Variants in MSL1 observed in about 807,000 individuals in gnomAD.
MSL1 encodes MSL complex subunit 1.
Under a neutral mutation model 64.6 loss-of-function variants are expected in MSL1, and 21 were observed. The ratio of observed to expected loss-of-function variants is 0.33; its 90% CI spans 0.23 to 0.47. MSL1 has a LOEUF of 0.47. Among genes scored for constraint, MSL1 ranks in the 20% least tolerant of loss-of-function variants. The pLI is 1.00. For synonymous variants in MSL1, 339 were observed against 329.6 expected (o/e 1.03, Z -0.31); for missense variants, 664 against 793.2 (o/e 0.84, Z 1.96).
At chr17:40,129,750 G>GT in intron 3 of MSL1, 123 bp downstream of exon 3, 1 of 1,068,054 alleles carries the variant, frequency 9.4e-7, no homozygotes, top group Admixed American at 3.2e-5. Flanking sequence ...TCAAGAATGA[G>GT]TAAGTTAACA....
intron 2 of MSL1, among the ~76,000 whole-genome samples, chr17:40,127,527 C>T (rs943588088): frequency 1.3e-5 from 2 of 152,170 alleles, no homozygotes; most frequent in Non-Finnish European, 2.9e-5. Context: ...GTCACCCAGG[C>T]TGGGGTGCAA....
rs1988184126 is a variant in MSL1, at chr17:40,122,145, A to G, written c.-468A>G. On this transcript the variant is annotated 5_prime_UTR_variant, in exon 1 of 9. Coordinates refer to ENST00000398532, the MANE Select transcript of MSL1 (RefSeq NM_001365919.1). The surrounding 1 kb of genome is among the most constrained non-coding windows in gnomAD (Gnocchi z 4.2). ...CCCGGAGTAGGAGGGCTTTGGGCGGACCCAGCCCTCCACCCCCTCCTGAGG... is the reference window on the plus strand; with the variant it reads ...CCCGGAGTAGGAGGGCTTTGGGCGGGCCCAGCCCTCCACCCCCTCCTGAGG... 6.9e-6 allele frequency among the ~76,000 whole-genome samples: 1 copy of G among 144,720 alleles called. No individual in the cohort carries two copies. Among genetic ancestry groups the G allele is most frequent in the South Asian group, 2.2e-4 (1 of 4,526 alleles). The allele number at this position is 144,720 out of a possible 152,430, so 94.9% of individuals were successfully genotyped here.
In MSL1 at chr17:40,135,586, A is replaced by C. The variant is rs188945615; in HGVS notation, c.*1217A>C. The C allele has an allele frequency of 6.6e-6, 1 of 152,452 alleles. No homozygotes were observed. 9.4% of individuals were successfully genotyped at this position (152,452 alleles called of 1,614,324 possible). A position where few individuals can be genotyped will look rare whatever the true frequency, so the allele number is the denominator to read the frequency against. On this transcript the variant is annotated 3_prime_UTR_variant, in exon 9 of 9. Coordinates refer to ENST00000398532, the MANE Select transcript of MSL1 (RefSeq NM_001365919.1). ...GTAGGGGCTTTTATCCTTAAAGAGA[A>C]TATGTCCCCAGATTATTAGCACTTT...
rs1988430504 is a variant in MSL1 at position 40,131,130 on chromosome 17, C to T, written c.1376-407C>T. Reference sequence around the variant, plus strand: ...GTGCATGTTGTTCAGGCTGGACCAGCAAGGTAGTTTGTTTGGAGGGAGGAG... The same window carrying T: ...GTGCATGTTGTTCAGGCTGGACCAGTAAGGTAGTTTGTTTGGAGGGAGGAG... On this transcript the variant is annotated intron_variant, in intron 3 of 8. Coordinates refer to ENST00000398532, the MANE Select transcript of MSL1 (RefSeq NM_001365919.1). This position sits in a 1 kb window ranked among gnomAD's most constrained non-coding sequence, Gnocchi z 4.5. The T allele has an allele frequency of 1.2e-5, 2 of 169,636 alleles. No individual in the cohort carries two copies. Among genetic ancestry groups the T allele is most frequent in the South Asian group, 2.4e-4 (2 of 8,244 alleles). 10.5% of individuals were successfully genotyped at this position (169,636 alleles called of 1,614,324 possible).
At chr17:40,129,145 G>C (rs1173502095) in intron 2 of MSL1, 100 bp from the exon 3 acceptor site, 3 of 1,039,912 alleles carry the variant, frequency 2.9e-6, no homozygotes. Context: ...GTCATTTTGG[G>C]GCAAAAGAAC....
At position 40,132,059 on chromosome 17, in the gene MSL1, A is replaced by T; in HGVS notation, c.1449A>T (p.Val483=). 6.2e-7 allele frequency: 1 copy of T among 1,602,360 alleles called. No homozygotes were observed. The highest frequency in any genetic ancestry group is 8.5e-7 in the Non-Finnish European group (1 of 1,173,692). ...LAVPSWRDHS[V]EPLRDPNPSD... ...TTCCTTCTTGGAGGGACCACTCAGT[A>T]GAGCCTCTAAGGGACCCAAATCCTT... The change falls in exon 5 of 9, where the codon GTA becomes GTT. Residue 483 remains valine, a synonymous_variant. Transcript: ENST00000398532.
chr17:40,122,778 G>A lies in MSL1; in HGVS notation c.166G>A (p.Gly56Arg). The change falls in exon 1 of 9, where the codon GGG (glycine) becomes AGG (arginine). Residue 56 changes from glycine (G) to arginine (R), a missense_variant. By Grantham distance (125) the Gly-to-Arg change is moderately radical. Transcript: ENST00000398532. This position sits in a 1 kb window ranked among gnomAD's most constrained non-coding sequence, Gnocchi z 4.2. Reference sequence around the variant, plus strand: ...CCGGCACCGTAAGCTCAAGGAGCCGGGGCCCCCGCTGGCCTCCTCCCAGGG... The same window carrying A: ...CCGGCACCGTAAGCTCAAGGAGCCGAGGCCCCCGCTGGCCTCCTCCCAGGG... ...LPRHRKLKEP[G>R]PPLASSQGGS... is the part of the protein sequence containing the mutation. 5 of 1,383,432 alleles carry A rather than the reference G, an allele frequency of 3.6e-6. No individual in the cohort carries two copies. Among genetic ancestry groups the A allele is most frequent in the Non-Finnish European group, 4.6e-6 (5 of 1,077,952 alleles). The allele number at this position is 1,383,432 out of a possible 1,614,324, so 85.7% of individuals were successfully genotyped here.
In MSL1 at chr17:40,131,356, TTTC is replaced by T. The variant is rs934888723; in HGVS notation, c.1376-178_1376-176del. 1 of 527,694 alleles carries T rather than the reference TTTC, an allele frequency of 1.9e-6. No homozygotes were observed. The highest frequency in any genetic ancestry group is 1.9e-5 in the African/African-American group (1 of 52,380). 32.7% of individuals were successfully genotyped at this position (527,694 alleles called of 1,614,324 possible). The stretch of plus-strand genomic sequence containing the variant: ...TAAAAAAAAAAAGTGGTGGGCTTAT[TTTC>T]TTTTCTTTTGTCTGTTGTTCCCTCT... On this transcript the variant is annotated intron_variant, in intron 3 of 8. Transcript: ENST00000398532. This position sits in a 1 kb window ranked among gnomAD's most constrained non-coding sequence, Gnocchi z 4.5.
chr17:40,131,709 T>G lies in MSL1; in HGVS notation c.1423+125T>G. ...CTGAGATTTCTTGGTGTATGATTGA[T>G]TACACTACTATAGACTTCAAAATGA... On this transcript the variant is annotated intron_variant, in intron 4 of 8. Transcript: ENST00000398532. The surrounding 1 kb of genome is among the most constrained non-coding windows in gnomAD (Gnocchi z 4.5). 1.1e-6 allele frequency: 1 copy of G among 887,780 alleles called. No individual in the cohort carries two copies. Among genetic ancestry groups the G allele is most frequent in the Non-Finnish European group, 1.9e-6 (1 of 524,030 alleles). The allele number at this position is 887,780 out of a possible 1,614,324, so 55.0% of individuals were successfully genotyped here.
Position 40,126,240 on chromosome 17 carries a change from G to A in MSL1, c.826G>A (p.Glu276Lys), listed in dbSNP as rs780086706. Residue 276 changes from glutamate to lysine, a missense_variant, in exon 2 of 9, where the codon GAG (glutamate) becomes AAG (lysine). By Grantham distance (56) the Glu-to-Lys change is moderately conservative (BLOSUM62 1). This residue lies in a region of MSL1 where 466 missense variants were observed against 499.0 expected (regional missense o/e 0.93). Coordinates refer to ENST00000398532, the MANE Select transcript of MSL1 (RefSeq NM_001365919.1). ...GATGCAGCTGGTAAAGAAGGATAAC[G>A]AGAAAGAAAGGCACAAGCTGTTTCA... is the stretch of plus-strand genomic sequence containing the variant. ...RRMQLVKKDN[E>K]KERHKLFQGY... 3 of 1,614,014 alleles carry A rather than the reference G, an allele frequency of 1.9e-6. No individual in the cohort carries two copies. Among genetic ancestry groups the A allele is most frequent in the South Asian group, 1.1e-5 (1 of 91,082 alleles).
intron 1 of MSL1, 85 bp downstream of exon 1, chr17:40,123,465 C>T (rs908963767): frequency 1.7e-5 from 24 of 1,372,782 alleles, no homozygotes; most frequent in East Asian, 1.3e-4. Context: ...GGTTAAGGCA[C>T]CCCCGGGTTA....
rs754028789 is a variant in MSL1 at position 40,134,318 on chromosome 17, C to T, written c.1794C>T (p.Cys598=). ...ELPWLDERSR[C]RLEIQKKQTP... Reference sequence around the variant, plus strand: ...CCTGGTTGGATGAGCGTAGCCGATGCAGATTGGAGATCCAGAAGAAGCAAA... The same window carrying T: ...CCTGGTTGGATGAGCGTAGCCGATGTAGATTGGAGATCCAGAAGAAGCAAA... Residue 598 remains cysteine (C), a synonymous_variant, in exon 9 of 9, where the codon TGC becomes TGT. Coordinates refer to ENST00000398532, the MANE Select transcript of MSL1 (RefSeq NM_001365919.1). 6.4e-7 allele frequency: 1 copy of T among 1,557,878 alleles called. No individual in the cohort carries two copies. Among genetic ancestry groups the T allele is most frequent in the South Asian group, 1.2e-5 (1 of 84,318 alleles).
At chr17:40,124,175 A>G (rs915764573) in intron 1 of MSL1, among the ~76,000 whole-genome samples, 1 of 152,176 alleles carries the variant, frequency 6.6e-6, no homozygotes. Flanking sequence ...CTGCAGCAGT[A>G]GTTAAGGGCA....
chr17:40,127,309 T>A (rs1198628084), intron 2 of MSL1, among the ~76,000 whole-genome samples: 1 of 144,064 alleles, frequency 6.9e-6, no homozygotes, highest in African/African-American at 2.6e-5. Flanking sequence ...CACTCCAGCC[T>A]GGGTGACGGA....
At position 40,134,340 on chromosome 17, in the gene MSL1, C is replaced by G. The variant is rs1988499884; in HGVS notation, c.1816C>G (p.Gln606Glu). 6 of 1,556,818 alleles carry G rather than the reference C, an allele frequency of 3.9e-6. No homozygotes were observed. In the East Asian group the frequency reaches 1.4e-4, roughly 37 times the overall value. The change falls in exon 9 of 9, where the codon CAA becomes GAA. Residue 606 changes from glutamine to glutamate, a missense_variant. By Grantham distance (29) the Gln-to-Glu change is conservative. This residue lies in a region of MSL1 where 76 missense variants were observed against 98.5 expected (regional missense o/e 0.77). Transcript: ENST00000398532. ...ATGCAGATTGGAGATCCAGAAGAAG[C>G]AAACACCTCACCGGACGTGTAGGAA... is the stretch of plus-strand genomic sequence containing the variant. ...SRCRLEIQKKQTPHRTCRK is the reference protein window; with the variant it reads ...SRCRLEIQKKETPHRTCRK
intron 2 of MSL1, among the ~76,000 whole-genome samples, chr17:40,128,752 G>T (rs1019265095): frequency 2.6e-5 from 4 of 151,534 alleles, no homozygotes; most frequent in Admixed American, 2.6e-4. Context: ...GGCTCATGCC[G>T]GTAATCCCAG....
intron 5 of MSL1, among the ~76,000 whole-genome samples, chr17:40,132,495 G>T (rs565241441): frequency 6.6e-6 from 1 of 151,640 alleles, no homozygotes; most frequent in African/African-American, 2.4e-5. Flanking sequence ...AAAATTAGCC[G>T]GGCGTGGTGG....
chr17:40,132,163 G>A (rs1290718434), intron 5 of MSL1, 65 bp downstream of exon 5: 2 of 1,163,578 alleles, frequency 1.7e-6, no homozygotes. Context: ...GGGTATAACT[G>A]GAAAATGTCA....
intron 8 of MSL1, 145 bp downstream of exon 8, chr17:40,134,044 TTTTGTAA>T: frequency 1.3e-6 from 1 of 763,590 alleles, no homozygotes; most frequent in South Asian, 1.7e-5. Context: ...GGCAACTAGC[TTTTGTAA>T]TAAGATTCCC....
Sources: allele counts gnomAD v4.1 joint callset (sites outside exome capture counted in the v4.1 genomes callset), GRCh38; gene constraint gnomAD v4.1.1; regional missense constraint gnomAD v4.1.1; non-coding constraint Gnocchi (gnomAD v3.1); transcripts MANE v1.5; gene names NCBI Gene and HGNC (gene_info 2026-07-23, HGNC 2026-07-21).